NFATC1: variants seen among roughly 807,000 people sequenced by gnomAD.
NFATC1 encodes the protein nuclear factor of activated T-cells, cytoplasmic 1.
Under a neutral mutation model 76.0 loss-of-function variants are expected in NFATC1, and 22 were observed. The ratio of observed to expected loss-of-function variants is 0.29; its 90% CI spans 0.21 to 0.41. NFATC1 has a LOEUF of 0.41. NFATC1 is among the 10% of genes least tolerant of loss of function. The pLI is 1.00. For synonymous variants in NFATC1, 704 were observed against 613.1 expected (o/e 1.15, Z -2.19); for missense variants, 1,357 against 1,337.7 (o/e 1.01, Z -0.23).
intron 1 of NFATC1, among the ~76,000 whole-genome samples, chr18:79,397,405 C>G (rs1039724091): frequency 2.7e-5 from 4 of 147,202 alleles, no homozygotes; most frequent in African/African-American, 9.9e-5. Context: ...CTGATAACTG[C>G]GGGGCTTGCT....
intron 9 of NFATC1, among the ~76,000 whole-genome samples, chr18:79,501,795 ATAACTT>A (rs2090021357): frequency 6.6e-6 from 1 of 152,164 alleles, no homozygotes; most frequent in African/African-American, 2.4e-5. Flanking sequence ...TAAAATATGA[ATAACTT>A]TAAAGAAGTT....
At chr18:79,416,474 C>CTGTCAGACCTCCG (rs2085879338) in intron 2 of NFATC1, among the ~76,000 whole-genome samples, 1 of 151,826 alleles carries the variant, frequency 6.6e-6, no homozygotes, top group African/African-American at 2.4e-5. Flanking sequence ...TGGAGCCAGA[C>CTGTCAGACCTCCG]TGTCCGCGGG....
intron 2 of NFATC1, among the ~76,000 whole-genome samples, chr18:79,418,660 C>T (rs2085962153): frequency 6.6e-6 from 1 of 152,250 alleles, no homozygotes; most frequent in East Asian, 1.9e-4. Context: ...TTGAGAAGAT[C>T]ATGCCTCCTG....
chr18:79,427,395 G>C lies in NFATC1; in HGVS notation c.1227-6184G>C, dbSNP rs999091013. Among the ~76,000 whole-genome samples the C allele has an allele frequency of 3.9e-5, 5 of 128,302 alleles. No individual in the cohort carries two copies. In the East Asian group the frequency reaches 6.4e-4, roughly 16 times the overall value. 84.2% of individuals were successfully genotyped at this position (128,302 alleles called of 152,430 possible). ...CGGCTGGCCTCTGTGCAGTGGGTTG[G>C]GGGGAGCTGGATGGCTGGCCTCTGT... On this transcript the variant is annotated intron_variant, in intron 2 of 9. Transcript: ENST00000427363.
Position 79,527,608 on chromosome 18 carries a change from G to A in NFATC1, c.*31G>A. 1 of 1,600,618 alleles carries A rather than the reference G, an allele frequency of 6.2e-7. No homozygotes were observed. Among genetic ancestry groups the A allele is most frequent in the Non-Finnish European group, 8.6e-7 (1 of 1,168,134 alleles). The stretch of plus-strand genomic sequence containing the variant: ...ACATTGGAGCACTCAGTTCAGCAGG[G>A]GTATGCTGACTTCAGCAGACAAAGA... On this transcript the variant is annotated 3_prime_UTR_variant, in exon 10 of 10. Transcript: ENST00000427363.
chr18:79,455,736 G>A (rs139153504), intron 6 of NFATC1, among the ~76,000 whole-genome samples: 2,260 of 114,880 alleles, frequency 0.02, 59 homozygotes, highest in African/African-American at 0.065. Flanking sequence ...ACCCCAGCTC[G>A]CCCCCCATCT....
At chr18:79,520,576 T>TGG (rs2090499602) in intron 9 of NFATC1, among the ~76,000 whole-genome samples, 3 of 108,218 alleles carry the variant, frequency 2.8e-5, no homozygotes, top group African/African-American at 7.4e-5. Context: ...TCCGTGTGTG[T>TGG]GGGGGCATCC....
At chr18:79,415,827 C>T (rs147337305) in intron 2 of NFATC1, among the ~76,000 whole-genome samples, 2,519 of 152,024 alleles carry the variant, frequency 0.017, 74 homozygotes, top group African/African-American at 0.056. Context: ...TTTGGGAGGC[C>T]GAGGCAGGTG....
At chr18:79,516,205 G>A (rs565174909) in intron 9 of NFATC1, 14 of 152,284 alleles carry the variant, frequency 9.2e-5, no homozygotes, top group East Asian at 7.7e-4. Context: ...CACCAGCTGC[G>A]TCCAGATGAG....
intron 6 of NFATC1, among the ~76,000 whole-genome samples, chr18:79,454,180 G>T (rs1600762809): frequency 6.6e-6 from 1 of 152,162 alleles, no homozygotes; most frequent in South Asian, 2.1e-4. Context: ...TCCAGGAAGG[G>T]CCCCTGCGTC....
chr18:79,420,904 G>T (rs1201991193), intron 2 of NFATC1: 1 of 151,668 alleles, frequency 6.6e-6, no homozygotes, highest in Non-Finnish European at 1.5e-5. Flanking sequence ...CGTTGCTGCA[G>T]AGAGGAAGAG....
intron 3 of NFATC1, among the ~76,000 whole-genome samples, chr18:79,442,773 G>A (rs1157248090): frequency 6.6e-6 from 1 of 152,182 alleles, no homozygotes; most frequent in Non-Finnish European, 1.5e-5. Context: ...GTGTCTGGGG[G>A]AGGTCTGGGG....
chr18:79,451,938 C>A, intron 6 of NFATC1, 122 bp downstream of exon 6: 1 of 1,268,262 alleles, frequency 7.9e-7, no homozygotes, highest in Non-Finnish European at 1.1e-6. Flanking sequence ...TGGGGTGTGG[C>A]ACGGAGCAGA....
intron 9 of NFATC1, chr18:79,498,312 A>T (rs541931273): frequency 2.0e-5 from 3 of 152,032 alleles, no homozygotes; most frequent in Non-Finnish European, 4.4e-5. Flanking sequence ...TGTGGCAAAT[A>T]TATCTTACCA....
intron 8 of NFATC1, among the ~76,000 whole-genome samples, chr18:79,476,837 G>T (rs567316078): frequency 6.6e-6 from 1 of 152,338 alleles, no homozygotes; most frequent in East Asian, 1.9e-4. Context: ...TGGCGTGCAT[G>T]GTTGGAATAC....
At chr18:79,497,329 C>T (rs1172820190) in intron 9 of NFATC1, 1 of 152,062 alleles carries the variant, frequency 6.6e-6, no homozygotes, top group East Asian at 1.9e-4. Flanking sequence ...AGAGCGGCCC[C>T]AGGGGGAAGA....
chr18:79,409,405 GTCCATCCA>G (rs899656793), intron 1 of NFATC1, among the ~76,000 whole-genome samples: 1 of 144,008 alleles, frequency 6.9e-6, no homozygotes, highest in Non-Finnish European at 1.5e-5. Context: ...TCCATTCCTC[GTCCATCCA>G]TCCATCCATC....
intron 9 of NFATC1, among the ~76,000 whole-genome samples, chr18:79,526,845 C>T (rs183265121): frequency 1.3e-5 from 2 of 152,326 alleles, no homozygotes; most frequent in African/African-American, 4.8e-5. Flanking sequence ...CGCTCCAGCC[C>T]ATGGCAGAGG....
intron 9 of NFATC1, chr18:79,493,342 G>A (rs955936981): frequency 5.3e-5 from 8 of 152,274 alleles, no homozygotes; most frequent in African/African-American, 1.9e-4. Flanking sequence ...GGGGCCCGCT[G>A]CGGTGCCCGC....
Sources: gnomAD v4.1 joint callset for allele counts (sites outside exome capture counted in the v4.1 genomes callset) on GRCh38, gnomAD v4.1.1 for gene constraint, MANE v1.5 for transcripts, NCBI Gene and HGNC (gene_info 2026-07-23, HGNC 2026-07-21) for gene names.